The following SOCS6 variants were observed in gnomAD, a reference collection of about 807,000 sequenced individuals.
The protein encoded by SOCS6 is suppressor of cytokine signaling 6, also known as STAT induced STAT inhibitor-4.
A neutral mutation model predicts 27.7 loss-of-function variants in SOCS6; 5 were observed. The observed-to-expected ratio is 0.18, with a 90% CI of 0.09 to 0.38. The LOEUF (loss-of-function observed/expected upper bound fraction) is 0.38. SOCS6 is among the 10% of genes least tolerant of loss of function. SOCS6 has a pLI of 1.00. For synonymous variants in SOCS6, 271 were observed against 260.0 expected, an observed-to-expected ratio of 1.04 and a Z score of -0.41; for missense variants, 595 against 688.1, an observed-to-expected ratio of 0.86 and a Z score of 1.51.
chr18:70,299,276 G>T (rs907356494), intron 1 of SOCS6, among the ~76,000 whole-genome samples: 1 of 152,088 alleles, frequency 6.6e-6, no homozygotes. Context: ...ACTTCTGACC[G>T]ACTGGCTACA....
At chr18:70,321,338 T>TTTTTTTTTG (rs1910982719) in intron 1 of SOCS6, among the ~76,000 whole-genome samples, 1 of 128,134 alleles carries the variant, frequency 7.8e-6, no homozygotes, top group Non-Finnish European at 1.6e-5. Context: ...TTTTTTTTTT[T>TTTTTTTTTG]GACAGAGTTT....
In SOCS6 at chr18:70,310,467, G is replaced by GTTT. The variant is rs1332886593; in HGVS notation, c.-126-14076_-126-14075insTTT. Among the ~76,000 whole-genome samples, 43 of 139,550 alleles carry GTTT rather than the reference G, an allele frequency of 3.1e-4. 1 individual carries two copies. The highest frequency in any genetic ancestry group is 9.9e-4 in the African/African-American group (36 of 36,296). The allele number at this position is 139,550 out of a possible 152,430, so 91.6% of individuals were successfully genotyped here. On this transcript the variant is annotated intron_variant, in intron 1 of 1. Coordinates refer to ENST00000397942, the MANE Select transcript of SOCS6 (RefSeq NM_004232.4). ...TGGCTAATTTTCTAATTTTTTGTGGGGTTTTTTTTTTTTTTTTTTTTGCAG... is the reference window on the plus strand; with the variant it reads ...TGGCTAATTTTCTAATTTTTTGTGGGTTTGTTTTTTTTTTTTTTTTTTTTGCAG...
chr18:70,306,534 T>C (rs2062370431), intron 1 of SOCS6, among the ~76,000 whole-genome samples: 1 of 151,424 alleles, frequency 6.6e-6, no homozygotes, highest in Non-Finnish European at 1.5e-5. Flanking sequence ...GTGTCAATTA[T>C]GAATAAAGAT....
At chr18:70,299,540 A>G (rs1041059276) in intron 1 of SOCS6, among the ~76,000 whole-genome samples, 5 of 151,776 alleles carry the variant, frequency 3.3e-5, no homozygotes, top group Admixed American at 6.6e-5. Context: ...TTTTCTCTTC[A>G]TTTCTCTTCA....
rs1911229638 is a variant in SOCS6 at position 70,326,862 on chromosome 18, A to G, written c.*586A>G. ...GGAGATCTGCAACATATCTTTTAACAACACTTTTTTCTAAATTATTTCTAA... is the reference window on the plus strand; with the variant it reads ...GGAGATCTGCAACATATCTTTTAACGACACTTTTTTCTAAATTATTTCTAA... On this transcript the variant is annotated 3_prime_UTR_variant, in exon 2 of 2. Coordinates refer to ENST00000397942, the MANE Select transcript of SOCS6 (RefSeq NM_004232.4). 6.0e-6 allele frequency: 1 copy of G among 166,922 alleles called. No individual in the cohort carries two copies. Among genetic ancestry groups the G allele is most frequent in the African/African-American group, 2.4e-5 (1 of 41,402 alleles). 10.3% of individuals were successfully genotyped at this position (166,922 alleles called of 1,614,324 possible).
intron 1 of SOCS6, among the ~76,000 whole-genome samples, chr18:70,321,091 A>G (rs1211814370): frequency 6.6e-6 from 1 of 151,970 alleles, no homozygotes; most frequent in Non-Finnish European, 1.5e-5. Flanking sequence ...AGCCCGGGCA[A>G]CATAGACCTC....
In SOCS6 at chr18:70,329,868, C is replaced by G. The variant is rs1197566725; in HGVS notation, c.*3592C>G. The G allele has an allele frequency of 6.0e-6, 1 of 166,914 alleles. No homozygotes were observed. Among genetic ancestry groups the G allele is most frequent in the Admixed American group, 6.6e-5 (1 of 15,262 alleles). The allele number at this position is 166,914 out of a possible 1,614,324, so 10.3% of individuals were successfully genotyped here. A position where few individuals can be genotyped will look rare whatever the true frequency, so the allele number is the denominator to read the frequency against. ...TGAAAAGTGATCCAAACTCTACATC[C>G]AGAGATTATGAAAAATTCTTATAGA... is the stretch of plus-strand genomic sequence containing the variant. On this transcript the variant is annotated 3_prime_UTR_variant, in exon 2 of 2. Coordinates refer to ENST00000397942, the MANE Select transcript of SOCS6 (RefSeq NM_004232.4).
intron 1 of SOCS6, among the ~76,000 whole-genome samples, chr18:70,304,700 T>A (rs1354782260): frequency 2.0e-5 from 3 of 152,256 alleles, no homozygotes; most frequent in African/African-American, 7.2e-5. Context: ...AGCCTGTGGC[T>A]TAGAAGATAT....
At chr18:70,306,477 C>CAAAAA (rs55702216) in intron 1 of SOCS6, among the ~76,000 whole-genome samples, 11 of 92,656 alleles carry the variant, frequency 1.2e-4, no homozygotes, top group East Asian at 3.4e-4. Context: ...GACTCCATCT[C>CAAAAA]AAAAAAAAAA....
At chr18:70,304,277 C>A (rs1415752606) in intron 1 of SOCS6, among the ~76,000 whole-genome samples, 1 of 152,234 alleles carries the variant, frequency 6.6e-6, no homozygotes, top group South Asian at 2.1e-4. Context: ...TGAACTGATA[C>A]AGAATGATTT....
intron 1 of SOCS6, among the ~76,000 whole-genome samples, chr18:70,316,705 T>C (rs2062412909): frequency 6.8e-6 from 1 of 147,520 alleles, no homozygotes; most frequent in African/African-American, 2.7e-5. Context: ...GAGGACTCTT[T>C]TTTTTCTTCA....
chr18:70,290,170 TA>T (rs1266678252), intron 1 of SOCS6, among the ~76,000 whole-genome samples: 1 of 152,186 alleles, frequency 6.6e-6, no homozygotes, highest in African/African-American at 2.4e-5. Context: ...ATGACAGAAA[TA>T]ACGTGAATTA....
At chr18:70,298,278 A>G (rs1347711866) in intron 1 of SOCS6, among the ~76,000 whole-genome samples, 1 of 152,216 alleles carries the variant, frequency 6.6e-6, no homozygotes, top group Non-Finnish European at 1.5e-5. Flanking sequence ...TTGGTAGTTT[A>G]TAATTCATGA....
At position 70,324,565 on chromosome 18, in the gene SOCS6, G is replaced by T; in HGVS notation, c.-104G>T. On this transcript the variant is annotated 5_prime_UTR_variant, in exon 2 of 2. An upstream start codon of the reference 5' UTR is lost. Coordinates refer to ENST00000397942, the MANE Select transcript of SOCS6 (RefSeq NM_004232.4). ...TAGAAAATGGCTCCAAAGGTTAAAT[G>T]AAGCAGGAAAAATACATAGATGCAG... The T allele has an allele frequency of 1.3e-6, 1 of 742,660 alleles. No homozygotes were observed. The allele number at this position is 742,660 out of a possible 1,614,324, so 46.0% of individuals were successfully genotyped here.
chr18:70,292,090 A>G (rs1235967188), intron 1 of SOCS6, among the ~76,000 whole-genome samples: 1 of 152,084 alleles, frequency 6.6e-6, no homozygotes. Flanking sequence ...CAAACCTTAC[A>G]TTTTACTTCG....
chr18:70,302,487 C>G (rs1223094003), intron 1 of SOCS6, among the ~76,000 whole-genome samples: 1 of 152,176 alleles, frequency 6.6e-6, no homozygotes, highest in Non-Finnish European at 1.5e-5. Context: ...TGAGACCCAT[C>G]AGACCAGTTC....
rs565709786 is a variant in SOCS6 at position 70,326,957 on chromosome 18, G to A, written c.*681G>A. On this transcript the variant is annotated 3_prime_UTR_variant, in exon 2 of 2. Coordinates refer to ENST00000397942, the MANE Select transcript of SOCS6 (RefSeq NM_004232.4). ...TGCCTTCGTTTTCATCTTCTAGTTTGTCTATTTTAATAAATGGCCTTACAT... is the reference window on the plus strand; with the variant it reads ...TGCCTTCGTTTTCATCTTCTAGTTTATCTATTTTAATAAATGGCCTTACAT... 147 of 166,684 alleles carry A rather than the reference G, an allele frequency of 8.8e-4. 1 individual carries two copies. Among genetic ancestry groups the A allele is most frequent in the African/African-American group, 3.4e-3 (140 of 41,540 alleles). The allele number at this position is 166,684 out of a possible 1,614,324, so 10.3% of individuals were successfully genotyped here. A position where few individuals can be genotyped will look rare whatever the true frequency, so the allele number is the denominator to read the frequency against.
At position 70,314,655 on chromosome 18, in the gene SOCS6, A is replaced by G. The variant is rs1174077559; in HGVS notation, c.-126-9888A>G. Among the ~76,000 whole-genome samples, 2 of 152,208 alleles carry G rather than the reference A, an allele frequency of 1.3e-5. 1 individual carries two copies. The highest frequency in any genetic ancestry group is 4.1e-4 in the South Asian group (2 of 4,830). Reference sequence around the variant, plus strand: ...AAAATCACCTAACGACATATTTCTCAGAACATACCTGTTGTTCAGCTGCAT... The same window carrying G: ...AAAATCACCTAACGACATATTTCTCGGAACATACCTGTTGTTCAGCTGCAT... On this transcript the variant is annotated intron_variant, in intron 1 of 1. Transcript: ENST00000397942.
chr18:70,316,989 A>G lies in SOCS6; in HGVS notation c.-126-7554A>G, dbSNP rs537668146. On this transcript the variant is annotated intron_variant, in intron 1 of 1. Coordinates refer to ENST00000397942, the MANE Select transcript of SOCS6 (RefSeq NM_004232.4). The stretch of plus-strand genomic sequence containing the variant: ...AGAAGTTTAATTGCCTTTGCAAAGC[A>G]ATCTTTATACAAAGGCCCAGTTATT... 6.6e-5 allele frequency among the ~76,000 whole-genome samples: 10 copies of G among 152,350 alleles called. No homozygotes were observed. The East Asian group carries it at 1.3e-3, about 21-fold the overall frequency.
Sources: allele counts gnomAD v4.1 joint callset (sites outside exome capture counted in the v4.1 genomes callset), GRCh38; gene constraint gnomAD v4.1.1; transcripts MANE v1.5; gene names NCBI Gene and HGNC (gene_info 2026-07-23, HGNC 2026-07-21).